Variants in PTPRD observed in about 807,000 individuals in gnomAD.
PTPRD encodes protein tyrosine phosphatase receptor type D, also known as receptor-type tyrosine-protein phosphatase delta.
PTPRD carries 34 observed loss-of-function variants against 214.5 expected under a neutral mutation model. The observed-to-expected ratio is 0.16, with a 90% CI of 0.12 to 0.21. PTPRD has a LOEUF of 0.21. Among genes scored for constraint, PTPRD ranks in the 10% least tolerant of loss-of-function variants. PTPRD has a pLI of 1.00. For missense variants in PTPRD, 2,545 were observed against 2,398.7 expected, an observed-to-expected ratio of 1.06 and a Z score of -1.27; for synonymous variants, 1,128 against 845.7, an observed-to-expected ratio of 1.33 and a Z score of -5.79.
chr9:8,951,959 T>C (rs1422344176), intron 11 of PTPRD, among the ~76,000 whole-genome samples: 1 of 152,048 alleles, frequency 6.6e-6, no homozygotes, highest in Non-Finnish European at 1.5e-5. Flanking sequence ...TAATTCATTC[T>C]TCGGTCTCTG....
intron 2 of PTPRD, among the ~76,000 whole-genome samples, chr9:10,483,099 G>A (rs1160365383): frequency 1.3e-5 from 2 of 152,058 alleles, no homozygotes; most frequent in Admixed American, 1.3e-4. Flanking sequence ...CAGATCAATG[G>A]AACACAATAG....
chr9:9,231,008 A>T (rs1289758171), intron 9 of PTPRD, among the ~76,000 whole-genome samples: 1 of 151,492 alleles, frequency 6.6e-6, no homozygotes, highest in Non-Finnish European at 1.5e-5. Context: ...GTGAGCTGAA[A>T]CTTGAAAGTT....
At chr9:10,165,332 T>C (rs1419966446) in intron 3 of PTPRD, among the ~76,000 whole-genome samples, 10 of 151,724 alleles carry the variant, frequency 6.6e-5, no homozygotes, top group Admixed American at 6.6e-4. Context: ...GAGTCTGAAG[T>C]CATGAATTTT....
chr9:9,944,437 TTC>T (rs2092228318), intron 4 of PTPRD, among the ~76,000 whole-genome samples: 1 of 152,048 alleles, frequency 6.6e-6, no homozygotes, highest in East Asian at 1.9e-4. Flanking sequence ...GCACACACAT[TTC>T]TTTCTCCATA....
chr9:9,639,309 T>C (rs2095864492), intron 7 of PTPRD, among the ~76,000 whole-genome samples: 1 of 152,168 alleles, frequency 6.6e-6, no homozygotes. Context: ...ATTTTATAGT[T>C]TGTGTTTATT....
intron 9 of PTPRD, among the ~76,000 whole-genome samples, chr9:9,337,394 A>G (rs547591224): frequency 6.6e-6 from 1 of 152,158 alleles, no homozygotes; most frequent in Non-Finnish European, 1.5e-5. Flanking sequence ...TTAATAGATC[A>G]TTAACAAGAG....
intron 11 of PTPRD, among the ~76,000 whole-genome samples, chr9:8,764,195 T>A (rs2094569905): frequency 6.6e-6 from 1 of 152,228 alleles, no homozygotes; most frequent in South Asian, 2.1e-4. Flanking sequence ...ATATGACACG[T>A]ATGTGAAACA....
At chr9:10,057,850 A>C (rs370436839) in intron 3 of PTPRD, among the ~76,000 whole-genome samples, 1 of 114,966 alleles carries the variant, frequency 8.7e-6, no homozygotes, top group Non-Finnish European at 1.6e-5. Flanking sequence ...TCAAAAAAAA[A>C]CAAAAAAAAA....
chr9:9,056,077 A>G (rs531138652), intron 10 of PTPRD, among the ~76,000 whole-genome samples: 1 of 152,144 alleles, frequency 6.6e-6, no homozygotes, highest in Non-Finnish European at 1.5e-5. Context: ...TTTTGATAGT[A>G]CCAAGTGAAC....
intron 2 of PTPRD, among the ~76,000 whole-genome samples, chr9:10,412,451 G>A (rs1302906731): frequency 6.6e-6 from 1 of 151,574 alleles, no homozygotes; most frequent in South Asian, 2.1e-4. Flanking sequence ...AAAAGCTTAG[G>A]ACCAGATGTA....
intron 8 of PTPRD, among the ~76,000 whole-genome samples, chr9:9,556,199 T>C (rs2081466634): frequency 6.6e-6 from 1 of 152,138 alleles, no homozygotes; most frequent in South Asian, 2.1e-4. Flanking sequence ...GAAAATGTAA[T>C]TAAGAAAATC....
chr9:9,070,467 T>C (rs1231316914), intron 10 of PTPRD, among the ~76,000 whole-genome samples: 5 of 152,184 alleles, frequency 3.3e-5, no homozygotes, highest in Non-Finnish European at 7.3e-5. Context: ...CATTCAACTT[T>C]ATCCAAATTT....
At chr9:9,191,146 T>A (rs889838922) in intron 9 of PTPRD, among the ~76,000 whole-genome samples, 5 of 152,160 alleles carry the variant, frequency 3.3e-5, no homozygotes, top group African/African-American at 1.2e-4. Flanking sequence ...GCTTGCTATG[T>A]CACATTCTGT....
intron 21 of PTPRD, among the ~76,000 whole-genome samples, chr9:8,507,929 G>A (rs977384756): frequency 2.0e-5 from 3 of 151,958 alleles, no homozygotes; most frequent in Non-Finnish European, 4.4e-5. Context: ...AACCTAACAG[G>A]CAAACAGAAT....
intron 30 of PTPRD, among the ~76,000 whole-genome samples, chr9:8,476,478 A>G (rs1324424887): frequency 1.3e-5 from 2 of 152,062 alleles, no homozygotes; most frequent in Non-Finnish European, 1.5e-5. Context: ...TCATTAAACT[A>G]TCGATCATTC....
chr9:9,194,624 TAG>T (rs2099937185), intron 9 of PTPRD, among the ~76,000 whole-genome samples: 1 of 152,094 alleles, frequency 6.6e-6, no homozygotes, highest in South Asian at 2.1e-4. Flanking sequence ...CTCTATCAAG[TAG>T]AGACAGACAA....
At chr9:9,143,008 C>T (rs771325282) in intron 10 of PTPRD, among the ~76,000 whole-genome samples, 7 of 152,084 alleles carry the variant, frequency 4.6e-5, no homozygotes, top group Non-Finnish European at 8.8e-5. Context: ...CTGGGAATGG[C>T]CCGTTCTCTC....
At chr9:10,545,067 A>G (rs2059912518) in intron 2 of PTPRD, among the ~76,000 whole-genome samples, 1 of 152,172 alleles carries the variant, frequency 6.6e-6, no homozygotes, top group Admixed American at 6.5e-5. Context: ...TGCATTAGAG[A>G]CGTATTTTAC....
At chr9:10,092,794 A>T (rs1466616531) in intron 3 of PTPRD, among the ~76,000 whole-genome samples, 2 of 151,428 alleles carry the variant, frequency 1.3e-5, no homozygotes, top group African/African-American at 4.8e-5. Context: ...CCAGCAATAA[A>T]GTCACATACC....
Sources: gnomAD v4.1 joint callset for allele counts (sites outside exome capture counted in the v4.1 genomes callset) on GRCh38, gnomAD v4.1.1 for gene constraint, MANE v1.5 for transcripts, NCBI Gene and HGNC (gene_info 2026-07-23, HGNC 2026-07-21) for gene names.